Variants in STAB1 observed in about 807,000 individuals in gnomAD.
The protein encoded by STAB1 is stabilin 1.
A neutral mutation model predicts 332.4 loss-of-function variants in STAB1; 250 were observed. That is an observed-to-expected ratio of 0.75 (90% confidence interval 0.68 to 0.84). STAB1 has a LOEUF of 0.84. Ranked by LOEUF, STAB1 falls within the 40% of genes least tolerant of loss-of-function variation. The pLI, the probability that STAB1 is intolerant of heterozygous loss-of-function variation, is 0.00. For missense variants in STAB1, 3,249 were observed against 3,489.7 expected, an observed-to-expected ratio of 0.93 and a Z score of 1.74; for synonymous variants, 1,475 against 1,390.4, an observed-to-expected ratio of 1.06 and a Z score of -1.35.
chr3:52,521,481 C>G lies in STAB1; in HGVS notation c.6029C>G (p.Ala2010Gly). The G allele has an allele frequency of 6.2e-7, 1 of 1,614,036 alleles. No individual in the cohort carries two copies. Among genetic ancestry groups the G allele is most frequent in the Non-Finnish European group, 8.5e-7 (1 of 1,180,028 alleles). ...GFAGTACELC[A>G]PGAFGPHCQA... ...GCTGGGACAGCCTGTGAACTCTGTG[C>G]TCCTGGTGCCTTTGGGCCCCATTGT... Residue 2010 changes from alanine to glycine, a missense_variant, in exon 56 of 69, where the codon GCT becomes GGT. By Grantham distance (60) the Ala-to-Gly change is moderately conservative. Transcript: ENST00000321725.
At chr3:52,502,412 C>T (rs1708518455) in intron 5 of STAB1, among the ~76,000 whole-genome samples, 184 bp downstream of exon 5, 1 of 152,214 alleles carries the variant, frequency 6.6e-6, no homozygotes, top group South Asian at 2.1e-4. Context: ...CATGCTACTC[C>T]CCTGAGAGGC....
At position 52,504,488 on chromosome 3, in the gene STAB1, C is replaced by T. The variant is rs1364573768; in HGVS notation, c.1178C>T (p.Thr393Ile). Reference protein sequence around the residue: ...MDQGCREILTTAGPFTVLVPS... With the variant: ...MDQGCREILTIAGPFTVLVPS... ...CAGGGCTGCCGGGAAATCCTTACCA[C>T]AGCGGGCCCTTTCACCGTGCTGGTG... is the stretch of plus-strand genomic sequence containing the variant. Residue 393 changes from threonine to isoleucine, a missense_variant, in exon 11 of 69, where the codon ACA becomes ATA. Transcript: ENST00000321725. 6.2e-7 allele frequency: 1 copy of T among 1,614,078 alleles called. No individual in the cohort carries two copies. The highest frequency in any genetic ancestry group is 2.2e-5 in the East Asian group (1 of 44,882).
In STAB1 at chr3:52,513,111, CT is replaced by C. The variant is rs1559697813; in HGVS notation, c.3159-18del. 6.4e-7 allele frequency: 1 copy of C among 1,556,740 alleles called. No individual in the cohort carries two copies. On this transcript the variant is annotated intron_variant, in intron 29 of 68. Transcript: ENST00000321725. Reference sequence around the variant, plus strand: ...ACACTAACCTGATTCCATGACCCCCCTAAACTGTGCCCTGTCAGGGCCCATT... The same window carrying C: ...ACACTAACCTGATTCCATGACCCCCCAAACTGTGCCCTGTCAGGGCCCATT...
chr3:52,523,391 T>C, intron 64 of STAB1, 36 bp from the exon 65 acceptor site: 1 of 1,609,422 alleles, frequency 6.2e-7, no homozygotes, highest in South Asian at 1.1e-5. Flanking sequence ...GCCATCTCCA[T>C]CTGGCCCAGG....
intron 2 of STAB1, 165 bp downstream of exon 2, chr3:52,501,467 G>T (rs1708437174): frequency 1.7e-6 from 2 of 1,150,254 alleles, no homozygotes; most frequent in Admixed American, 4.5e-5. Context: ...GGGTAAAGGC[G>T]AGGGGCAGGA....
At chr3:52,504,305 G>A (rs1708682960) in intron 10 of STAB1, 150 bp downstream of exon 10, 15 of 1,429,220 alleles carry the variant, frequency 1.0e-5, no homozygotes, top group Non-Finnish European at 1.4e-5. Context: ...CAGGGGGTGG[G>A]AGCTGCTCTC....
At chr3:52,508,251 G>A in intron 20 of STAB1, 22 bp from the exon 21 acceptor site, 1 of 1,599,574 alleles carries the variant, frequency 6.3e-7, no homozygotes, top group Non-Finnish European at 8.5e-7. Context: ...ATGGCCTCTT[G>A]GACCTGTTCT....
intron 21 of STAB1, 46 bp from the exon 22 acceptor site, chr3:52,509,164 A>C: frequency 1.9e-6 from 3 of 1,569,426 alleles, no homozygotes; most frequent in Non-Finnish European, 2.6e-6. Context: ...GGGGATGTAG[A>C]GAGTCCCTTT....
Position 52,512,872 on chromosome 3 carries a change from G to A in STAB1, c.3072G>A (p.Leu1024=). ...CTGCCGACCGCCGAGTCACAGCCCT[G>A]GTGCCCTCCGAGGCTGCAGTCCGTC... is the stretch of plus-strand genomic sequence containing the variant. ...TLPADRRVTA[L]VPSEAAVRQL... is the part of the protein sequence containing the mutation. The change falls in exon 29 of 69, where the codon CTG becomes CTA. Residue 1024 remains leucine (L), a synonymous_variant. Coordinates refer to ENST00000321725, the MANE Select transcript of STAB1 (RefSeq NM_015136.3). 1.2e-6 allele frequency: 2 copies of A among 1,611,546 alleles called. No homozygotes were observed. The highest frequency in any genetic ancestry group is 2.2e-5 in the South Asian group (2 of 91,058).
Position 52,522,578 on chromosome 3 carries a change from C to A in STAB1, c.6634C>A (p.Leu2212Ile). Residue 2212 changes from leucine (L) to isoleucine (I), a missense_variant, in exon 61 of 69, where the codon CTC (leucine) becomes ATC (isoleucine). By Grantham distance (5) the Leu-to-Ile change is conservative. Coordinates refer to ENST00000321725, the MANE Select transcript of STAB1 (RefSeq NM_015136.3). ...AGAGAAACGGGCTGGCGTTTTCCACCTCCAGGCCACCAGCGGCCCTTATGG... is the reference window on the plus strand; with the variant it reads ...AGAGAAACGGGCTGGCGTTTTCCACATCCAGGCCACCAGCGGCCCTTATGG... ...FQEKRAGVFH[L>I]QATSGPYGLN... is the part of the protein sequence containing the mutation. The A allele has an allele frequency of 6.2e-7, 1 of 1,613,080 alleles. No homozygotes were observed. Among genetic ancestry groups the A allele is most frequent in the Non-Finnish European group, 8.5e-7 (1 of 1,180,042 alleles).
chr3:52,517,195 G>A lies in STAB1; in HGVS notation c.4489+86G>A. The A allele has an allele frequency of 2.0e-6, 3 of 1,504,630 alleles. No homozygotes were observed. In the South Asian group the frequency reaches 4.1e-5, roughly 20 times the overall value. The allele number at this position is 1,504,630 out of a possible 1,614,324, so 93.2% of individuals were successfully genotyped here. On this transcript the variant is annotated intron_variant, in intron 42 of 68. Coordinates refer to ENST00000321725, the MANE Select transcript of STAB1 (RefSeq NM_015136.3). The stretch of plus-strand genomic sequence containing the variant: ...AGTCAGATTAGGAAGGGCTGAAGGG[G>A]CACATGGGACTTGTGGGGACTGGGG...
Position 52,503,880 on chromosome 3 carries a change from G to A in STAB1, c.1000G>A (p.Val334Met), listed in dbSNP as rs1189890027. ...FSCDRSATCQ[V>M]TADGKTSCVC... ...CTGCGACCGGTCTGCCACTTGCCAG[G>A]TGACCGCTGATGGGAAGACCAGGTG... Residue 334 changes from valine to methionine, a missense_variant, in exon 9 of 69, where the codon GTG (valine) becomes ATG (methionine). Val to Met is a conservative substitution (Grantham distance 21). Transcript: ENST00000321725. 2 of 1,613,124 alleles carry A rather than the reference G, an allele frequency of 1.2e-6. No homozygotes were observed. The highest frequency in any genetic ancestry group is 3.3e-5 in the Admixed American group (2 of 60,006).
intron 1 of STAB1, among the ~76,000 whole-genome samples, chr3:52,500,565 G>A (rs953354941): frequency 8.5e-5 from 13 of 152,268 alleles, no homozygotes; most frequent in African/African-American, 3.1e-4. Flanking sequence ...AATGCTCAGA[G>A]CAGAGTGGTG....
At chr3:52,502,262 C>A in intron 5 of STAB1, 34 bp downstream of exon 5, 2 of 1,601,108 alleles carry the variant, frequency 1.2e-6, no homozygotes. Context: ...GCACGGCCAG[C>A]GTCCACCTGG....
chr3:52,505,911 G>A lies in STAB1; in HGVS notation c.1724G>A (p.Arg575Gln), dbSNP rs746483398. ...AGLSKLQELV[R>Q]YHIYNHGQLT... The stretch of plus-strand genomic sequence containing the variant: ...CTCTCTAAACTGCAGGAGTTGGTGC[G>A]GTACCACATCTACAACCACGGCCAG... The change falls in exon 16 of 69, where the codon CGG becomes CAG. Residue 575 changes from arginine (R) to glutamine (Q), a missense_variant. Coordinates refer to ENST00000321725, the MANE Select transcript of STAB1 (RefSeq NM_015136.3). 15 of 1,613,740 alleles carry A rather than the reference G, an allele frequency of 9.3e-6. No homozygotes were observed. Among genetic ancestry groups the A allele is most frequent in the African/African-American group, 5.3e-5 (4 of 74,930 alleles).
chr3:52,495,538 G>T (rs747833350), intron 1 of STAB1, 47 bp downstream of exon 1: 1 of 1,274,482 alleles, frequency 7.8e-7, no homozygotes, highest in Non-Finnish European at 1.0e-6. Context: ...GGGCCCTGCC[G>T]GCCAGCGGTG....
Position 52,524,145 on chromosome 3 carries a change from A to G in STAB1, c.7588A>G (p.Thr2530Ala). 6.2e-7 allele frequency: 1 copy of G among 1,613,956 alleles called. No homozygotes were observed. Among genetic ancestry groups the G allele is most frequent in the Non-Finnish European group, 8.5e-7 (1 of 1,180,030 alleles). Residue 2530 changes from threonine to alanine, a missense_variant, in exon 68 of 69, where the codon ACC becomes GCC. By Grantham distance (58) the Thr-to-Ala change is moderately conservative. Transcript: ENST00000321725. ...DDDFSPWQEG[T>A]NPTLVSVPNP... ...CGACTTCTCACCGTGGCAAGAAGGG[A>G]CCAACCCCACCCTGGTCTCTGTCCC...
chr3:52,510,282 G>C (rs2153233461), intron 24 of STAB1, 47 bp downstream of exon 24: 1 of 1,614,004 alleles, frequency 6.2e-7, no homozygotes, highest in South Asian at 1.1e-5. Context: ...AGAGGCAGGA[G>C]GTGGGATGCC....
rs771293674 is a variant in STAB1 at position 52,505,713 on chromosome 3, G to A, written c.1627G>A (p.Val543Ile). The A allele has an allele frequency of 4.3e-6, 7 of 1,613,888 alleles. No individual in the cohort carries two copies. In the South Asian group the frequency reaches 7.7e-5, roughly 18 times the overall value. The change falls in exon 15 of 69, where the codon GTC becomes ATC. Residue 543 changes from valine to isoleucine, a missense_variant. Val to Ile is a conservative substitution (Grantham distance 29). Transcript: ENST00000321725. ...SILDGPGPFT[V>I]FAPSNEAVDS... ...CCTGGACGGACCTGGGCCCTTCACAGTCTTTGCCCCAAGCAATGAGGCTGT... is the reference window on the plus strand; with the variant it reads ...CCTGGACGGACCTGGGCCCTTCACAATCTTTGCCCCAAGCAATGAGGCTGT...
Sources: allele counts gnomAD v4.1 joint callset (sites outside exome capture counted in the v4.1 genomes callset), GRCh38; gene constraint gnomAD v4.1.1; transcripts MANE v1.5; gene names NCBI Gene and HGNC (gene_info 2026-07-23, HGNC 2026-07-21).